CDC20B: variants seen among roughly 807,000 people sequenced by gnomAD.
The protein encoded by CDC20B is cell division cycle 20B, also known as cell division cycle protein 20 homolog B.
CDC20B carries 58 observed loss-of-function variants against 64.1 expected under a neutral mutation model. The ratio of observed to expected loss-of-function variants is 0.90; its 90% confidence interval spans 0.73 to 1.13. CDC20B has a LOEUF of 1.13. Among genes scored for constraint, CDC20B ranks in the 50% most tolerant of loss-of-function variants. The probability of loss-of-function intolerance (pLI) is 0.00; values close to 1 mark genes in which losing one functional copy is unlikely to be tolerated. For missense variants in CDC20B, 597 were observed against 633.0 expected, an observed-to-expected ratio of 0.94 and a Z score of 0.61; for synonymous variants, 243 against 230.6, an observed-to-expected ratio of 1.05 and a Z score of -0.49.
chr5:55,119,063 T>C (rs1411270561), intron 11 of CDC20B, among the ~76,000 whole-genome samples: 1 of 152,148 alleles, frequency 6.6e-6, no homozygotes, highest in Non-Finnish European at 1.5e-5. Context: ...AATCAATAAG[T>C]AAACCTCAGG....
intron 2 of CDC20B, among the ~76,000 whole-genome samples, chr5:55,157,157 T>C (rs1320365238): frequency 1.3e-5 from 2 of 152,210 alleles, no homozygotes; most frequent in Non-Finnish European, 2.9e-5. Flanking sequence ...CCTTCCTTCA[T>C]TTACTGAAAG....
intron 2 of CDC20B, among the ~76,000 whole-genome samples, chr5:55,152,799 C>T (rs1021824844): frequency 1.3e-5 from 2 of 152,250 alleles, no homozygotes; most frequent in South Asian, 2.1e-4. Flanking sequence ...TTACTATCCT[C>T]GGGACATTGG....
chr5:55,163,028 T>C (rs1023274182), intron 2 of CDC20B, among the ~76,000 whole-genome samples: 4 of 152,140 alleles, frequency 2.6e-5, no homozygotes, highest in Non-Finnish European at 5.9e-5. Flanking sequence ...ACCCACCTCA[T>C]AGGGTCCCTG....
At chr5:55,119,317 T>A (rs1742699915) in intron 11 of CDC20B, among the ~76,000 whole-genome samples, 1 of 151,874 alleles carries the variant, frequency 6.6e-6, no homozygotes, top group Admixed American at 6.6e-5. Flanking sequence ...CATCATGGGG[T>A]CTTTCTCTCA....
At chr5:55,172,369 G>A (rs1744629516) in intron 2 of CDC20B, 1 of 506,954 alleles carries the variant, frequency 2.0e-6, no homozygotes, top group Non-Finnish European at 3.5e-6. Context: ...CCTTTGCTGT[G>A]GAGGCAGAAA....
intron 5 of CDC20B, chr5:55,136,574 A>G (rs1336544863): frequency 1.3e-5 from 2 of 151,914 alleles, no homozygotes; most frequent in African/African-American, 4.8e-5. Context: ...AAAAAAAAAA[A>G]AATAGGACAA....
At chr5:55,138,203 C>T (rs1200665914) in intron 5 of CDC20B, among the ~76,000 whole-genome samples, 1 of 151,696 alleles carries the variant, frequency 6.6e-6, no homozygotes, top group African/African-American at 2.4e-5. Flanking sequence ...CTCTGTCGCC[C>T]AGGCTGGAGT....
chr5:55,139,899 T>C (rs1292542701), intron 5 of CDC20B, among the ~76,000 whole-genome samples: 1 of 152,022 alleles, frequency 6.6e-6, no homozygotes, highest in Non-Finnish European at 1.5e-5. Flanking sequence ...TGGTGGTGCA[T>C]GCCTATAATC....
chr5:55,117,115 G>T (rs1742642210), intron 11 of CDC20B, among the ~76,000 whole-genome samples: 1 of 152,124 alleles, frequency 6.6e-6, no homozygotes, highest in Admixed American at 6.5e-5. Context: ...CAAGCCAAAG[G>T]CCAGATCTCA....
chr5:55,159,674 C>T (rs575233704), intron 2 of CDC20B, among the ~76,000 whole-genome samples: 1 of 152,304 alleles, frequency 6.6e-6, no homozygotes, highest in South Asian at 2.1e-4. Context: ...TATTTCCCTG[C>T]TCTTTCCACT....
At position 55,153,158 on chromosome 5, in the gene CDC20B, G is replaced by A. The variant is rs558079510; in HGVS notation, c.127-6302C>T. ...GGAGACTGAGGTGGGAGGATGGCTT[G>A]AGCCCAGAAGGCAGAGGTTGCAGTG... On this transcript the variant is annotated intron_variant, in intron 2 of 11. Transcript: ENST00000381375. Among the ~76,000 whole-genome samples the A allele has an allele frequency of 2.7e-5, 4 of 147,658 alleles. No homozygotes were observed. The East Asian group carries it at 8.1e-4, about 30-fold the overall frequency.
chr5:55,137,728 G>C, intron 5 of CDC20B: 1 of 454,838 alleles, frequency 2.2e-6, no homozygotes. Flanking sequence ...TTCAACCTAA[G>C]TACAGCAAAT....
At position 55,146,713 on chromosome 5, in the gene CDC20B, A is replaced by G; in HGVS notation, c.270T>C (p.Phe90=). ...SQTRALSSDS[F]GEEQSTTYLP... ...GGTAGGTGGTTGACTGCTCTTCCCC[A>G]AAGGAATCAGAGGACAGAGCCCTAG... The change falls in exon 3 of 12, where the codon TTT becomes TTC. Residue 90 remains phenylalanine (F), a synonymous_variant. Coordinates refer to ENST00000381375, the MANE Select transcript of CDC20B (RefSeq NM_001170402.1). 1 of 1,614,110 alleles carries G rather than the reference A, an allele frequency of 6.2e-7. No homozygotes were observed. Among genetic ancestry groups the G allele is most frequent in the South Asian group, 1.1e-5 (1 of 91,078 alleles).
intron 9 of CDC20B, among the ~76,000 whole-genome samples, chr5:55,121,588 T>C (rs1028446970): frequency 6.6e-6 from 1 of 150,934 alleles, no homozygotes; most frequent in African/African-American, 2.5e-5. Flanking sequence ...ACATTCTACA[T>C]GTCTTTTTTT....
chr5:55,141,639 G>A (rs527414349), intron 4 of CDC20B, among the ~76,000 whole-genome samples: 5 of 152,254 alleles, frequency 3.3e-5, no homozygotes, highest in South Asian at 4.1e-4. Context: ...GGGTCCCCAC[G>A]GTTCAGACAG....
chr5:55,173,022 C>G lies in CDC20B; in HGVS notation c.-22G>C, dbSNP rs370363882. 1.2e-6 allele frequency: 2 copies of G among 1,604,152 alleles called. No homozygotes were observed. Among genetic ancestry groups the G allele is most frequent in the Non-Finnish European group, 1.7e-6 (2 of 1,175,250 alleles). Reference sequence around the variant, plus strand: ...CCATCTCCGGCTGACTTCGCCCTGCCTGGCGTTTGGCCTCTCTGCTCGACT... The same window carrying G: ...CCATCTCCGGCTGACTTCGCCCTGCGTGGCGTTTGGCCTCTCTGCTCGACT... On this transcript the variant is annotated 5_prime_UTR_variant, in exon 1 of 12. Transcript: ENST00000381375.
chr5:55,140,652 T>A (rs1451642877), intron 4 of CDC20B, among the ~76,000 whole-genome samples: 1 of 152,210 alleles, frequency 6.6e-6, no homozygotes, highest in Non-Finnish European at 1.5e-5. Context: ...AGAGCAGGTA[T>A]TTTTTGGCTA....
At chr5:55,116,369 C>G (rs1052530113) in intron 11 of CDC20B, among the ~76,000 whole-genome samples, 8 of 152,136 alleles carry the variant, frequency 5.3e-5, no homozygotes, top group African/African-American at 1.9e-4. Context: ...CCACTGCACT[C>G]CAGCCTGGGC....
chr5:55,131,692 G>C (rs1025721834), intron 6 of CDC20B, among the ~76,000 whole-genome samples: 1 of 152,188 alleles, frequency 6.6e-6, no homozygotes, highest in Admixed American at 6.5e-5. Context: ...GAGTGGATTT[G>C]AGACAATATG....
Sources: gnomAD v4.1 joint callset for allele counts (sites outside exome capture counted in the v4.1 genomes callset) on GRCh38, gnomAD v4.1.1 for gene constraint, MANE v1.5 for transcripts, NCBI Gene and HGNC (gene_info 2026-07-23, HGNC 2026-07-21) for gene names.